Variants in DUSP9 observed in about 807,000 individuals in gnomAD.
DUSP9 encodes dual specificity phosphatase 9.
A neutral mutation model predicts 13.2 loss-of-function variants in DUSP9; 4 were observed. The ratio of observed to expected loss-of-function variants is 0.30; its 90% CI spans 0.15 to 0.69. The LOEUF (loss-of-function observed/expected upper bound fraction) is 0.69. DUSP9 is among the 30% of genes least tolerant of loss of function. The pLI is 0.73. For missense variants in DUSP9, 263 were observed against 355.0 expected, an observed-to-expected ratio of 0.74 and a Z score of 2.08; for synonymous variants, 166 against 172.3, an observed-to-expected ratio of 0.96 and a Z score of 0.29.
In DUSP9 at chrX:153,648,265, G is replaced by A. The variant is rs1557035860; in HGVS notation, c.312G>A (p.Ser104=). The A allele has an allele frequency of 4.4e-6, 5 of 1,130,501 alleles. No homozygotes were observed. In the South Asian group the frequency reaches 9.8e-5, roughly 22 times the overall value. 93.2% of individuals were successfully genotyped at this position (1,130,501 alleles called of 1,213,427 possible). A position where few individuals can be genotyped will look rare whatever the true frequency, so the allele number is the denominator to read the frequency against. The change falls in exon 2 of 4, where the codon TCG becomes TCA. Residue 104 remains serine, a synonymous_variant. Coordinates refer to ENST00000342782, the MANE Select transcript of DUSP9 (RefSeq NM_001318503.2). The part of the protein sequence containing the change: ...EAEAEEWEAE[S]VLGTLLQKLR... ...AGGCCGAGGAGTGGGAGGCCGAGTC[G>A]GTGCTGGGCACCCTGCTGCAGAAGC... is the stretch of plus-strand genomic sequence containing the variant.
rs2091208956 is a variant in DUSP9, at chrX:153,650,222, G to A, written c.1072G>A (p.Gly358Arg). 4 of 1,211,592 alleles carry A rather than the reference G, an allele frequency of 3.3e-6. No homozygotes were observed. The highest frequency in any genetic ancestry group is 1.8e-5 in the South Asian group (1 of 57,037). Reference sequence around the variant, plus strand: ...CCACTCGCAGGAGCAGGGCAGTGGGGGGCAGGCATCTGCGGCCTCCAACCC... The same window carrying A: ...CCACTCGCAGGAGCAGGGCAGTGGGAGGCAGGCATCTGCGGCCTCCAACCC... ...ERHSQEQGSGGQASAASNPPS... is the reference protein window; with the variant it reads ...ERHSQEQGSGRQASAASNPPS... Residue 358 changes from glycine to arginine, a missense_variant, in exon 4 of 4, where the codon GGG becomes AGG. Gly to Arg is a moderately radical substitution (Grantham distance 125, BLOSUM62 -2). Coordinates refer to ENST00000342782, the MANE Select transcript of DUSP9 (RefSeq NM_001318503.2).
chrX:153,649,211 C>T, intron 2 of DUSP9, 21 bp from the exon 3 acceptor site: 1 of 1,205,137 alleles, frequency 8.3e-7, no homozygotes. Context: ...GTCAGCAGGC[C>T]CCATGCCCTC....
At chrX:153,643,129 G>A (rs782425209), upstream of DUSP9, among the ~76,000 whole-genome samples, 1 of 107,600 alleles carries the variant, frequency 9.3e-6, no homozygotes, top group Non-Finnish European at 1.9e-5. Flanking sequence ...ATCCTGGAGC[G>A]AGGTCCCGTC....
In DUSP9 at chrX:153,650,410, G is replaced by C. The variant is rs921438479; in HGVS notation, c.*105G>C. The C allele has an allele frequency of 1.1e-4, 65 of 605,751 alleles. No homozygotes were observed. The highest frequency in any genetic ancestry group is 1.4e-4 in the Non-Finnish European group (56 of 397,071). 49.9% of individuals were successfully genotyped at this position (605,751 alleles called of 1,213,427 possible). A position where few individuals can be genotyped will look rare whatever the true frequency, so the allele number is the denominator to read the frequency against. On this transcript the variant is annotated 3_prime_UTR_variant, in exon 4 of 4. Coordinates refer to ENST00000342782, the MANE Select transcript of DUSP9 (RefSeq NM_001318503.2). ...AGGGCAGGAGGGCTCGGCCTGAGCA[G>C]GGTGCTGGGGGGAGAGCGCAATACC...
Position 153,649,900 on chromosome X carries a change from C to T in DUSP9, c.830-80C>T. 2.7e-6 allele frequency: 3 copies of T among 1,102,735 alleles called. No individual in the cohort carries two copies. The South Asian group carries it at 6.3e-5, about 23-fold the overall frequency. 90.9% of individuals were successfully genotyped at this position (1,102,735 alleles called of 1,213,427 possible). The stretch of plus-strand genomic sequence containing the variant: ...TCTGGCCCAGGGGGCAGGGCGGGGC[C>T]TTTGAGGGCCCTTCGGAAGGCCTCG... On this transcript the variant is annotated intron_variant, in intron 3 of 3. Coordinates refer to ENST00000342782, the MANE Select transcript of DUSP9 (RefSeq NM_001318503.2).
chrX:153,645,113 G>A (rs979024335), upstream of DUSP9, among the ~76,000 whole-genome samples: 7 of 113,042 alleles, frequency 6.2e-5, no homozygotes, highest in Non-Finnish European at 9.4e-5. Context: ...CCACTGTGGA[G>A]CTAGGCTGTG....
chrX:153,645,422 C>T (rs180866633), upstream of DUSP9, among the ~76,000 whole-genome samples: 524 of 112,962 alleles, frequency 4.6e-3, 2 homozygotes, highest in Non-Finnish European at 6.5e-3. Context: ...GGGGTGTGGC[C>T]GGAAAGCAGC....
chrX:153,646,960 C>T (rs1249223550), upstream of DUSP9, among the ~76,000 whole-genome samples: 6 of 112,700 alleles, frequency 5.3e-5, no homozygotes, highest in Admixed American at 5.5e-4. Context: ...CCCTGCCTCC[C>T]GAGGCCAGGC....
chrX:153,648,026 C>G lies in DUSP9; in HGVS notation c.73C>G (p.Leu25Val). The change falls in exon 2 of 4, where the codon CTG becomes GTG. Residue 25 changes from leucine (L) to valine (V), a missense_variant. By Grantham distance (32) the Leu-to-Val change is conservative. Transcript: ENST00000342782. Reference protein sequence around the residue: ...LSPPRPRLLLLDCRSRELYES... With the variant: ...LSPPRPRLLLVDCRSRELYES... Reference sequence around the variant, plus strand: ...GCCCCCGCGGCCGCGGCTCCTGCTCCTGGACTGCCGCAGCCGCGAGCTGTA... The same window carrying G: ...GCCCCCGCGGCCGCGGCTCCTGCTCGTGGACTGCCGCAGCCGCGAGCTGTA... The G allele has an allele frequency of 9.1e-7, 1 of 1,094,513 alleles. No individual in the cohort carries two copies. The highest frequency in any genetic ancestry group is 1.2e-6 in the Non-Finnish European group (1 of 846,577). 90.2% of individuals were successfully genotyped at this position (1,094,513 alleles called of 1,213,427 possible).
intron 2 of DUSP9, among the ~76,000 whole-genome samples, chrX:153,648,699 T>G (rs2091199325): frequency 8.9e-6 from 1 of 112,194 alleles, no homozygotes; most frequent in African/African-American, 3.2e-5. Context: ...TGAAGCCTCC[T>G]GGGCTCAAGC....
At position 153,649,489 on chromosome X, in the gene DUSP9, C is replaced by G. The variant is rs368816010; in HGVS notation, c.631C>G (p.Leu211Val). ...CTTCCCTGTCCAGATCCTGCCCAAC[C>G]TCTATCTGGGCAGTGCCCGGGATTC... The part of the protein sequence containing the change: ...ASFPVQILPN[L>V]YLGSARDSAN... Residue 211 changes from leucine to valine, a missense_variant, in exon 3 of 4, where the codon CTC becomes GTC. Leu to Val is a conservative substitution (Grantham distance 32). Coordinates refer to ENST00000342782, the MANE Select transcript of DUSP9 (RefSeq NM_001318503.2). The G allele has an allele frequency of 2.5e-6, 3 of 1,210,734 alleles. No homozygotes were observed. The African/African-American group carries it at 5.2e-5, about 21-fold the overall frequency.
In DUSP9 at chrX:153,650,071, G is replaced by A; in HGVS notation, c.921G>A (p.Gln307=). 1 of 1,211,744 alleles carries A rather than the reference G, an allele frequency of 8.3e-7. No homozygotes were observed. Among genetic ancestry groups the A allele is most frequent in the Non-Finnish European group, 1.1e-6 (1 of 895,527 alleles). The change falls in exon 4 of 4, where the codon CAG becomes CAA. Residue 307 remains glutamine, a synonymous_variant. Coordinates refer to ENST00000342782, the MANE Select transcript of DUSP9 (RefSeq NM_001318503.2). ...SVTVTVAYLM[Q]KLHLSLNDAY... is the part of the protein sequence containing the mutation. Reference sequence around the variant, plus strand: ...CCGTCACTGTGGCCTACCTCATGCAGAAGCTCCACCTCTCTCTCAACGATG... The same window carrying A: ...CCGTCACTGTGGCCTACCTCATGCAAAAGCTCCACCTCTCTCTCAACGATG...
upstream of DUSP9, among the ~76,000 whole-genome samples, chrX:153,645,976 T>C (rs1337617790): frequency 8.9e-6 from 1 of 112,653 alleles, no homozygotes; most frequent in Non-Finnish European, 1.9e-5. Flanking sequence ...CCCCCAAATA[T>C]TTGTTAGGCC....
intron 1 of DUSP9, 152 bp downstream of exon 1, chrX:153,647,577 G>A (rs2091193191): frequency 8.0e-6 from 1 of 125,695 alleles, no homozygotes; most frequent in Non-Finnish European, 1.6e-5. Flanking sequence ...GGCCTCGAAC[G>A]GCACTCCTCG....
intron 3 of DUSP9, 101 bp from the exon 4 acceptor site, chrX:153,649,879 G>C (rs1603188818): frequency 2.9e-6 from 3 of 1,036,353 alleles, no homozygotes; most frequent in Non-Finnish European, 3.9e-6. Flanking sequence ...TGGCCATCTG[G>C]CCCAGGGGGC....
Position 153,650,092 on chromosome X carries a change from C to G in DUSP9, c.942C>G (p.Asn314Lys). The change falls in exon 4 of 4, where the codon AAC becomes AAG. Residue 314 changes from asparagine (N) to lysine (K), a missense_variant. Asn to Lys is a moderately conservative substitution (Grantham distance 94). Coordinates refer to ENST00000342782, the MANE Select transcript of DUSP9 (RefSeq NM_001318503.2). The part of the protein sequence containing the change: ...YLMQKLHLSL[N>K]DAYDLVKRKK... ...TGCAGAAGCTCCACCTCTCTCTCAA[C>G]GATGCCTATGACCTGGTCAAGAGGA... The G allele has an allele frequency of 8.3e-7, 1 of 1,211,913 alleles. No homozygotes were observed. Among genetic ancestry groups the G allele is most frequent in the Non-Finnish European group, 1.1e-6 (1 of 895,522 alleles).
rs782741565 is a variant in DUSP9, at chrX:153,650,282, G to A, written c.1132G>A (p.Ala378Thr). 3.9e-5 allele frequency: 47 copies of A among 1,195,803 alleles called. No homozygotes were observed. Among genetic ancestry groups the A allele is most frequent in the East Asian group, 6.0e-5 (2 of 33,574 alleles). Residue 378 changes from alanine to threonine, a missense_variant, in exon 4 of 4, where the codon GCC becomes ACC. Physicochemically the swap from Ala to Thr is moderately conservative, Grantham distance 58 (BLOSUM62 0). Transcript: ENST00000342782. ...CTTCACCACCCCCACCAGTGATGGC[G>A]CCTTCGAGCTGGCCCCCACCTAGGG... Reference protein sequence around the residue: ...SFFTTPTSDGAFELAPT With the variant: ...SFFTTPTSDGTFELAPT
At chrX:153,649,740 G>A in intron 3 of DUSP9, 53 bp downstream of exon 3, 12 of 1,065,138 alleles carry the variant, frequency 1.1e-5, no homozygotes, top group Non-Finnish European at 1.4e-5. Context: ...GCCTGCTCTG[G>A]CCTCCCCCTT....
Position 153,650,597 on chromosome X carries a change from G to T in DUSP9, c.*292G>T. On this transcript the variant is annotated 3_prime_UTR_variant, in exon 4 of 4. Transcript: ENST00000342782. ...CCGGCCCTGGGTGCTCAGCCAGCTC[G>T]GCTAGGCCCTGCGCCTCCCTGCGCT... is the stretch of plus-strand genomic sequence containing the variant. The T allele has an allele frequency of 3.0e-6, 1 of 328,705 alleles. No homozygotes were observed. Among genetic ancestry groups the T allele is most frequent in the Non-Finnish European group, 5.3e-6 (1 of 188,621 alleles). The allele number at this position is 328,705 out of a possible 1,213,427, so 27.1% of individuals were successfully genotyped here. A position where few individuals can be genotyped will look rare whatever the true frequency, so the allele number is the denominator to read the frequency against.
Sources: gnomAD v4.1 joint callset for allele counts (sites outside exome capture counted in the v4.1 genomes callset) on GRCh38, gnomAD v4.1.1 for gene constraint, MANE v1.5 for transcripts, NCBI Gene and HGNC (gene_info 2026-07-23, HGNC 2026-07-21) for gene names.